Variants in GNRHR observed in about 807,000 individuals in gnomAD.
GNRHR encodes gonadotropin-releasing hormone receptor.
In GNRHR, 14 loss-of-function variants were observed where a neutral mutation model predicts 28.1. That is an observed-to-expected ratio of 0.50 (90% CI 0.33 to 0.78). The LOEUF (loss-of-function observed/expected upper bound fraction) is 0.78, where lower values mean the gene tolerates loss of function less well. Ranked by LOEUF, GNRHR falls within the 30% of genes least tolerant of loss-of-function variation. The pLI is 0.02. For missense variants in GNRHR, 366 were observed against 382.1 expected (o/e 0.96, Z 0.35); for synonymous variants, 141 against 140.5 (o/e 1.00, Z -0.02).
chr4:67,740,756 A>C (rs745810427), intron 2 of GNRHR, 32 bp from the exon 3 acceptor site: 39 of 1,596,328 alleles, frequency 2.4e-5, no homozygotes, highest in Non-Finnish European at 3.3e-5. Context: ...AGGTGTTTAA[A>C]GATCAGTTTT....
At chr4:67,752,509 A>G (rs1243463109) in intron 1 of GNRHR, among the ~76,000 whole-genome samples, 1 of 152,122 alleles carries the variant, frequency 6.6e-6, no homozygotes, top group Non-Finnish European at 1.5e-5. Flanking sequence ...AACTTGGACC[A>G]TAGGTGCAAA....
In GNRHR at chr4:67,753,876, T is replaced by C. The variant is rs767057818; in HGVS notation, c.460A>G (p.Lys154Glu). 2.4e-5 allele frequency: 38 copies of C among 1,613,986 alleles called. No individual in the cohort carries two copies. In the East Asian group the frequency reaches 8.5e-4, roughly 36 times the overall value. The change falls in exon 1 of 3, where the codon AAA (lysine) becomes GAA (glutamate). Residue 154 changes from lysine to glutamate, a missense_variant. Transcript: ENST00000226413. ...AGGCCAACCATGGACTGTCCGACTT[T>C]GCTGTTGCTTTTCAAAGCTAGGGGC... ...TRPLALKSNS[K>E]VGQSMVGLAW...
At chr4:67,746,142 G>A (rs1315318142) in intron 1 of GNRHR, among the ~76,000 whole-genome samples, 3 of 151,848 alleles carry the variant, frequency 2.0e-5, no homozygotes, top group African/African-American at 7.3e-5. Flanking sequence ...GTGTGTGAGA[G>A]GCCTTAAACA....
At chr4:67,752,415 G>A (rs1008969358) in intron 1 of GNRHR, among the ~76,000 whole-genome samples, 1 of 151,654 alleles carries the variant, frequency 6.6e-6, no homozygotes, top group African/African-American at 2.4e-5. Context: ...TTGATATGGG[G>A]CCTCCCTATA....
At chr4:67,749,650 T>C (rs1448159211) in intron 1 of GNRHR, among the ~76,000 whole-genome samples, 1 of 151,874 alleles carries the variant, frequency 6.6e-6, no homozygotes, top group East Asian at 1.9e-4. Context: ...TCCTCCTTTT[T>C]CCTCCCCTTC....
chr4:67,743,962 C>T (rs985882432), intron 2 of GNRHR, among the ~76,000 whole-genome samples: 4 of 152,122 alleles, frequency 2.6e-5, no homozygotes, highest in East Asian at 1.9e-4. Flanking sequence ...ATTGATAACA[C>T]GTCTTTTGGA....
rs1424382020 is a variant in GNRHR at position 67,738,111 on chromosome 4, T to C, written c.*2369A>G. 6.6e-6 allele frequency among the ~76,000 whole-genome samples: 1 copy of C among 151,712 alleles called. No homozygotes were observed. Among genetic ancestry groups the C allele is most frequent in the East Asian group, 1.9e-4 (1 of 5,202 alleles). ...ATTACATATTGAACCTTAAGAGAGTTTGTTGGTTTGAAAACAATAAGCATA... is the reference window on the plus strand; with the variant it reads ...ATTACATATTGAACCTTAAGAGAGTCTGTTGGTTTGAAAACAATAAGCATA... On this transcript the variant is annotated 3_prime_UTR_variant, in exon 3 of 3. Coordinates refer to ENST00000226413, the MANE Select transcript of GNRHR (RefSeq NM_000406.3).
At chr4:67,750,064 G>T (rs548139572) in intron 1 of GNRHR, among the ~76,000 whole-genome samples, 62 of 152,156 alleles carry the variant, frequency 4.1e-4, no homozygotes, top group Non-Finnish European at 8.2e-4. Flanking sequence ...TAAAATTAAG[G>T]TGTAAAGTCT....
Position 67,740,248 on chromosome 4 carries a change from A to G in GNRHR, c.*232T>C, listed in dbSNP as rs1731632259. On this transcript the variant is annotated 3_prime_UTR_variant, in exon 3 of 3. Transcript: ENST00000226413. ...TGTGTTATATGAGGTCAGAAAAGGCAGAGATTAATTTAGAAGCTTATGAGG... is the reference window on the plus strand; with the variant it reads ...TGTGTTATATGAGGTCAGAAAAGGCGGAGATTAATTTAGAAGCTTATGAGG... 2.5e-5 allele frequency: 12 copies of G among 480,960 alleles called. 1 individual carries two copies. In the South Asian group the frequency reaches 2.8e-4, roughly 11 times the overall value. 29.8% of individuals were successfully genotyped at this position (480,960 alleles called of 1,614,324 possible).
chr4:67,753,639 T>A, intron 1 of GNRHR, 175 bp downstream of exon 1: 1 of 621,738 alleles, frequency 1.6e-6, no homozygotes, highest in Non-Finnish European at 2.8e-6. Context: ...ACCAGAGAGG[T>A]TAAGAAGTTT....
intron 1 of GNRHR, among the ~76,000 whole-genome samples, chr4:67,748,827 T>C (rs1298212099): frequency 6.6e-6 from 1 of 151,914 alleles, no homozygotes; most frequent in African/African-American, 2.4e-5. Flanking sequence ...TATACTGATA[T>C]ACTGAGATTT....
At chr4:67,748,257 T>A (rs1201392774) in intron 1 of GNRHR, among the ~76,000 whole-genome samples, 1 of 152,128 alleles carries the variant, frequency 6.6e-6, no homozygotes, top group South Asian at 2.1e-4. Flanking sequence ...TCTTCAGATG[T>A]GTGCTTCAGT....
rs1022021733 is a variant in GNRHR, at chr4:67,738,495, A to G, written c.*1985T>C. On this transcript the variant is annotated 3_prime_UTR_variant, in exon 3 of 3. Transcript: ENST00000226413. Reference sequence around the variant, plus strand: ...CAATTCCTAAGACAGAGAGATCCATAATGAGCACACAAGAAGAACCAAGCT... The same window carrying G: ...CAATTCCTAAGACAGAGAGATCCATGATGAGCACACAAGAAGAACCAAGCT... Among the ~76,000 whole-genome samples the G allele has an allele frequency of 5.3e-5, 8 of 151,922 alleles. No individual in the cohort carries two copies. The highest frequency in any genetic ancestry group is 1.9e-4 in the African/African-American group (8 of 41,438).
rs546722787 is a variant in GNRHR, at chr4:67,740,245, G to T, written c.*235C>A. ...TAATGTGTTATATGAGGTCAGAAAA[G>T]GCAGAGATTAATTTAGAAGCTTATG... On this transcript the variant is annotated 3_prime_UTR_variant, in exon 3 of 3. Transcript: ENST00000226413. The T allele has an allele frequency of 1.1e-5, 5 of 473,928 alleles. No homozygotes were observed. The highest frequency in any genetic ancestry group is 9.3e-5 in the South Asian group (4 of 43,142). 29.4% of individuals were successfully genotyped at this position (473,928 alleles called of 1,614,324 possible).
At chr4:67,748,663 A>G (rs78636281) in intron 1 of GNRHR, among the ~76,000 whole-genome samples, 1 of 151,790 alleles carries the variant, frequency 6.6e-6, no homozygotes, top group African/African-American at 2.4e-5. Flanking sequence ...ACATGTATAC[A>G]TATGTAACAA....
chr4:67,748,003 C>T (rs1421187903), intron 1 of GNRHR, among the ~76,000 whole-genome samples: 1 of 152,076 alleles, frequency 6.6e-6, no homozygotes, highest in East Asian at 1.9e-4. Context: ...TGTAGAGATC[C>T]ACTTTGCTTT....
At chr4:67,746,107 T>G (rs1231619396) in intron 1 of GNRHR, among the ~76,000 whole-genome samples, 1 of 152,104 alleles carries the variant, frequency 6.6e-6, no homozygotes, top group African/African-American at 2.4e-5. Flanking sequence ...TTAAATTTCT[T>G]ATTTTGACAA....
At chr4:67,752,753 T>C (rs1040419931) in intron 1 of GNRHR, among the ~76,000 whole-genome samples, 7 of 152,118 alleles carry the variant, frequency 4.6e-5, no homozygotes, top group Non-Finnish European at 1.0e-4. Flanking sequence ...AAAACAGTTA[T>C]CCAGCTTTCT....
chr4:67,743,797 A>C (rs1025643732), intron 2 of GNRHR, among the ~76,000 whole-genome samples: 1 of 152,106 alleles, frequency 6.6e-6, no homozygotes, highest in Non-Finnish European at 1.5e-5. Context: ...ATTAAATACC[A>C]TTTTGTGCTG....
Sources: allele counts gnomAD v4.1 joint callset (sites outside exome capture counted in the v4.1 genomes callset), GRCh38; gene constraint gnomAD v4.1.1; transcripts MANE v1.5; gene names NCBI Gene and HGNC (gene_info 2026-07-23, HGNC 2026-07-21).